The following MICAL3 variants were observed in gnomAD, a reference collection of about 807,000 sequenced individuals.
MICAL3 encodes [F-actin]-monooxygenase MICAL3.
A neutral mutation model predicts 207.4 loss-of-function variants in MICAL3; 62 were observed. The observed-to-expected ratio is 0.30, with a 90% CI of 0.24 to 0.37. MICAL3 has a LOEUF of 0.37. Ranked by LOEUF, MICAL3 falls within the 10% of genes least tolerant of loss-of-function variation. The pLI is 1.00. For missense variants in MICAL3, 2,368 were observed against 2,635.6 expected (o/e 0.90, Z 2.22); for synonymous variants, 1,077 against 1,069.3 (o/e 1.01, Z -0.14).
chr22:17,799,949 AACACACACACACAC>A (rs3078144), intron 29 of MICAL3, among the ~76,000 whole-genome samples: 6 of 146,712 alleles, frequency 4.1e-5, no homozygotes, highest in Admixed American at 6.9e-5. Flanking sequence ...CTCACTCTAA[AACACACACACACAC>A]ACACACACAC....
At chr22:18,016,284 T>G (rs1351602118) in intron 1 of MICAL3, among the ~76,000 whole-genome samples, 1 of 152,244 alleles carries the variant, frequency 6.6e-6, no homozygotes, top group South Asian at 2.1e-4. Flanking sequence ...CACATATCAA[T>G]GTTTTGTTCA....
At position 17,818,403 on chromosome 22, in the gene MICAL3, T is replaced by C. The variant is rs1357324903; in HGVS notation, c.4258A>G (p.Arg1420Gly). Residue 1420 changes from arginine to glycine, a missense_variant, in exon 26 of 32, where the codon AGG becomes GGG. Around this residue, in one of 4 missense-constraint regions of MICAL3, gnomAD observed 1,770 missense variants for 1,863.2 expected, o/e 0.95. Transcript: ENST00000441493. ...AGGCCAGAGCTGCTGGACAGCTCCC[T>C]GCGCTCCTCCTGGGCGCTGCGTAGC... Reference protein sequence around the residue: ...RELRSAQEERRELSSSSGLGL... With the variant: ...RELRSAQEERGELSSSSGLGL... 6.2e-7 allele frequency: 1 copy of C among 1,611,392 alleles called. No individual in the cohort carries two copies. The highest frequency in any genetic ancestry group is 1.7e-5 in the Admixed American group (1 of 60,002).
At chr22:18,018,165 C>T (rs1010323345) in intron 1 of MICAL3, among the ~76,000 whole-genome samples, 4 of 152,152 alleles carry the variant, frequency 2.6e-5, no homozygotes, top group South Asian at 2.1e-4. Context: ...TGAGCCACTG[C>T]GCCCAGCCGA....
At chr22:17,982,742 T>TAACATA in intron 1 of MICAL3, among the ~76,000 whole-genome samples, 1 of 114,988 alleles carries the variant, frequency 8.7e-6, no homozygotes, top group African/African-American at 3.7e-5. Context: ...AAAAATAAAA[T>TAACATA]AAAATAAAAT....
chr22:17,818,831 T>C lies in MICAL3; in HGVS notation c.3830A>G (p.Gln1277Arg), dbSNP rs1921245061. 2 of 1,336,392 alleles carry C rather than the reference T, an allele frequency of 1.5e-6. No homozygotes were observed. The highest frequency in any genetic ancestry group is 2.3e-5 in the Admixed American group (1 of 43,494). The allele number at this position is 1,336,392 out of a possible 1,614,324, so 82.8% of individuals were successfully genotyped here. Residue 1277 changes from glutamine (Q) to arginine (R), a missense_variant, in exon 26 of 32, where the codon CAG becomes CGG. Gln to Arg is a conservative substitution (Grantham distance 43, BLOSUM62 1). Around this residue, in one of 4 missense-constraint regions of MICAL3, gnomAD observed 1,770 missense variants for 1,863.2 expected, o/e 0.95. Transcript: ENST00000441493. ...STEATVPSPT[Q>R]SPIRFQPAPA... ...GGCAGGCTGGAAGCGTATGGGGGAC[T>C]GGGTAGGGGATGGGACAGTGGCCTC...
At chr22:17,886,541 A>C (rs1457225272) in intron 15 of MICAL3, among the ~76,000 whole-genome samples, 1 of 152,200 alleles carries the variant, frequency 6.6e-6, no homozygotes, top group Non-Finnish European at 1.5e-5. Context: ...GTGGTGGCTC[A>C]TGCCTATAAT....
At position 17,837,397 on chromosome 22, in the gene MICAL3, A is replaced by G. The variant is rs375529007; in HGVS notation, c.2801+4425T>C. On this transcript the variant is annotated intron_variant, in intron 20 of 31. Transcript: ENST00000441493. ...TGTGACCTCGCCTGTGCCATCAGAA[A>G]ACATACCTGTGTGTGCTAGCCCTCC... 3.8e-3 allele frequency among the ~76,000 whole-genome samples: 581 copies of G among 152,350 alleles called. 1 individual carries two copies. The highest frequency in any genetic ancestry group is 5.8e-3 in the Non-Finnish European group (397 of 68,032).
intron 29 of MICAL3, among the ~76,000 whole-genome samples, chr22:17,808,597 G>C (rs1034907891): frequency 6.6e-6 from 1 of 152,234 alleles, no homozygotes; most frequent in African/African-American, 2.4e-5. Flanking sequence ...AGCATGCCGG[G>C]GACTGAGTTT....
intron 1 of MICAL3, among the ~76,000 whole-genome samples, chr22:17,950,489 A>G (rs998449589): frequency 6.6e-6 from 1 of 151,672 alleles, no homozygotes; most frequent in African/African-American, 2.4e-5. Context: ...ACAGGTGCCC[A>G]CCACCACACC....
At chr22:17,985,197 TGGAGCACGGGAGGAAGG>T (rs1340372499) in intron 1 of MICAL3, among the ~76,000 whole-genome samples, 5 of 152,180 alleles carry the variant, frequency 3.3e-5, no homozygotes, top group African/African-American at 1.2e-4. Flanking sequence ...AGGGTGTGCC[TGGAGCACGGGAGGAAGG>T]TCCGGCCAGG....
At chr22:17,946,230 A>C in intron 1 of MICAL3, among the ~76,000 whole-genome samples, 1 of 152,180 alleles carries the variant, frequency 6.6e-6, no homozygotes, top group Non-Finnish European at 1.5e-5. Flanking sequence ...AGAAGACTGC[A>C]CTTTCCCTGG....
intron 1 of MICAL3, among the ~76,000 whole-genome samples, chr22:17,975,614 T>C (rs1935596026): frequency 6.6e-6 from 1 of 152,050 alleles, no homozygotes; most frequent in South Asian, 2.1e-4. Flanking sequence ...TGGAAATACC[T>C]GATAAAGAGA....
At chr22:17,877,238 GGTTAGGGAGGTTAGGGAGGTTAGGGAA>G in intron 16 of MICAL3, among the ~76,000 whole-genome samples, 1 of 114,258 alleles carries the variant, frequency 8.8e-6, no homozygotes, top group Non-Finnish European at 1.7e-5. Flanking sequence ...AGGTTATGGA[GGTTAGGGAGGTTAGGGAGGTTAGGGAA>G]GTTATGGAGG....
Position 17,906,798 on chromosome 22 carries a change from C to T in MICAL3, c.15G>A (p.Lys5=). Reference sequence around the variant, plus strand: ...CATGAGCTGGGTTCATGGTCTCATGCTTCCTCTCCTCCATGCTGCCTCACT... The same window carrying T: ...CATGAGCTGGGTTCATGGTCTCATGTTTCCTCTCCTCCATGCTGCCTCACT... MEER[K]HETMNPAHVL... The change falls in exon 2 of 32, where the codon AAG becomes AAA. Residue 5 remains lysine, a synonymous_variant. Coordinates refer to ENST00000441493, the MANE Select transcript of MICAL3 (RefSeq NM_015241.3). 6.2e-7 allele frequency: 1 copy of T among 1,606,268 alleles called. No homozygotes were observed.
intron 1 of MICAL3, among the ~76,000 whole-genome samples, chr22:17,963,734 G>A (rs1202565922): frequency 6.6e-6 from 1 of 152,166 alleles, no homozygotes; most frequent in Non-Finnish European, 1.5e-5. Flanking sequence ...TACCCATGCT[G>A]ATCCAGCCAG....
intron 1 of MICAL3, among the ~76,000 whole-genome samples, chr22:17,979,301 T>C (rs1602337076): frequency 6.6e-6 from 1 of 152,162 alleles, no homozygotes; most frequent in Middle Eastern, 3.4e-3. Context: ...TCCCAGCACT[T>C]TGGGAGGCCG....
chr22:17,875,680 AG>A, intron 16 of MICAL3: 100 of 249,620 alleles, frequency 4.0e-4, no homozygotes, highest in Middle Eastern at 2.3e-3. Flanking sequence ...TACCATGTAT[AG>A]TAAAAAAAAA....
At chr22:17,862,472 G>C (rs1926626955) in intron 19 of MICAL3, 1 of 578,064 alleles carries the variant, frequency 1.7e-6, no homozygotes, top group Admixed American at 6.3e-5. Context: ...GTGTTAGCCA[G>C]GATGGTCTCG....
rs907950681 is a variant in MICAL3 at position 17,788,326 on chromosome 22, G to A, written c.*2406C>T. The A allele has an allele frequency of 1.3e-5, 2 of 152,310 alleles. No homozygotes were observed. Among genetic ancestry groups the A allele is most frequent in the Admixed American group, 1.3e-4 (2 of 15,292 alleles). The allele number at this position is 152,310 out of a possible 1,614,324, so 9.4% of individuals were successfully genotyped here. A position where few individuals can be genotyped will look rare whatever the true frequency, so the allele number is the denominator to read the frequency against. ...TGCAGGCTGCCGTGTGTGCTGTGGA[G>A]GATGCCACAGTGTTAAGGCTGACCA... On this transcript the variant is annotated 3_prime_UTR_variant, in exon 32 of 32. Coordinates refer to ENST00000441493, the MANE Select transcript of MICAL3 (RefSeq NM_015241.3).
Sources: allele counts gnomAD v4.1 joint callset (sites outside exome capture counted in the v4.1 genomes callset), GRCh38; gene constraint gnomAD v4.1.1; regional missense constraint gnomAD v4.1.1; transcripts MANE v1.5; gene names NCBI Gene and HGNC (gene_info 2026-07-23, HGNC 2026-07-21).